Variants in USO1 observed in about 807,000 individuals in gnomAD.
USO1 encodes general vesicular transport factor p115.
Under a neutral mutation model 124.5 loss-of-function variants are expected in USO1, and 57 were observed. The observed-to-expected ratio is 0.46, with a 90% CI of 0.37 to 0.57. USO1 has a LOEUF of 0.57. Among genes scored for constraint, USO1 ranks in the 20% least tolerant of loss-of-function variants. The pLI is 0.00. For synonymous variants in USO1, 369 were observed against 362.8 expected (o/e 1.02, Z -0.19); for missense variants, 900 against 1,040.6 (o/e 0.86, Z 1.86).
At chr4:75,754,936 T>C (rs1010274318) in intron 3 of USO1, among the ~76,000 whole-genome samples, 5 of 152,212 alleles carry the variant, frequency 3.3e-5, no homozygotes, top group African/African-American at 7.2e-5. Flanking sequence ...CTAAGTGGGC[T>C]CAGGGTCTCT....
Position 75,799,606 on chromosome 4 carries a change from A to G in USO1, c.1453-16A>G, listed in dbSNP as rs112001502. On this transcript the variant is annotated splice_polypyrimidine_tract_variant and intron_variant, in intron 13 of 23. Coordinates refer to ENST00000514213, the MANE Select transcript of USO1 (RefSeq NM_003715.4). The stretch of plus-strand genomic sequence containing the variant: ...TAAAATGAATGGAAAGATTTCTACC[A>G]ATTTATCTGTTGCAGGGAAGCAAAA... The G allele has an allele frequency of 2.2e-5, 35 of 1,611,056 alleles. 1 individual carries two copies. In the African/African-American group the frequency reaches 2.7e-4, roughly 12 times the overall value.
intron 1 of USO1, among the ~76,000 whole-genome samples, chr4:75,732,530 TA>T (rs1720661632): frequency 6.6e-6 from 1 of 152,164 alleles, no homozygotes; most frequent in African/African-American, 2.4e-5. Context: ...CTTATTTCAT[TA>T]AAAACATTAT....
At chr4:75,738,656 T>G (rs1720864250) in intron 1 of USO1, among the ~76,000 whole-genome samples, 1 of 151,972 alleles carries the variant, frequency 6.6e-6, no homozygotes, top group African/African-American at 2.4e-5. Flanking sequence ...TTTTAAAAAT[T>G]TTTAATGGAG....
intron 13 of USO1, among the ~76,000 whole-genome samples, chr4:75,798,005 G>A (rs1441622661): frequency 6.6e-6 from 1 of 152,042 alleles, no homozygotes; most frequent in Non-Finnish European, 1.5e-5. Flanking sequence ...CTTTCTATTG[G>A]TTTATGTCCA....
intron 4 of USO1, among the ~76,000 whole-genome samples, chr4:75,760,778 A>G (rs1175427133): frequency 6.6e-6 from 1 of 152,212 alleles, no homozygotes; most frequent in Non-Finnish European, 1.5e-5. Context: ...TTACATTACT[A>G]TTATTTCTGC....
At chr4:75,790,089 A>C in intron 10 of USO1, 61 bp from the exon 11 acceptor site, 1 of 1,455,930 alleles carries the variant, frequency 6.9e-7, no homozygotes, top group Non-Finnish European at 9.1e-7. Flanking sequence ...TCTATTGAAA[A>C]CATATTTTCC....
chr4:75,763,854 C>T (rs1053282999), intron 4 of USO1, among the ~76,000 whole-genome samples: 7 of 151,972 alleles, frequency 4.6e-5, no homozygotes, highest in African/African-American at 1.7e-4. Context: ...TCTCATGGTT[C>T]TAGTTTTTGT....
intron 10 of USO1, 91 bp downstream of exon 10, chr4:75,787,293 TAG>T: frequency 7.4e-7 from 1 of 1,343,226 alleles, no homozygotes; most frequent in Non-Finnish European, 9.6e-7. Flanking sequence ...AAAACTACAA[TAG>T]TTAACCATTT....
intron 1 of USO1, chr4:75,729,904 A>C (rs1236276615): frequency 2.5e-6 from 1 of 395,572 alleles, no homozygotes; most frequent in Non-Finnish European, 4.9e-6. Context: ...AATTGTTATT[A>C]AAGAGTGTGG....
At chr4:75,757,116 A>ATT (rs1721469501) in intron 3 of USO1, among the ~76,000 whole-genome samples, 1 of 151,602 alleles carries the variant, frequency 6.6e-6, no homozygotes. Flanking sequence ...AAATGGAATA[A>ATT]CTGTGCATAA....
intron 4 of USO1, 66 bp from the exon 5 acceptor site, chr4:75,770,373 T>C (rs1474636340): frequency 1.4e-6 from 2 of 1,420,740 alleles, no homozygotes; most frequent in Admixed American, 5.0e-5. Context: ...GCTTAACTCT[T>C]CAATGAAAGG....
At chr4:75,777,894 C>T (rs1440588390) in intron 8 of USO1, among the ~76,000 whole-genome samples, 1 of 152,166 alleles carries the variant, frequency 6.6e-6, no homozygotes, top group Non-Finnish European at 1.5e-5. Flanking sequence ...AATATTAAAA[C>T]ACCTTTGTTC....
intron 4 of USO1, among the ~76,000 whole-genome samples, chr4:75,768,498 C>T (rs1182526342): frequency 6.6e-6 from 1 of 152,214 alleles, no homozygotes; most frequent in Non-Finnish European, 1.5e-5. Context: ...TATCCTGCAA[C>T]TTTCTAAGCT....
At chr4:75,741,373 A>G (rs1439399010) in intron 1 of USO1, among the ~76,000 whole-genome samples, 2 of 152,178 alleles carry the variant, frequency 1.3e-5, no homozygotes, top group Non-Finnish European at 2.9e-5. Flanking sequence ...TGTAAAGTAT[A>G]CTTTATAAAC....
rs751911538 is a variant in USO1 at position 75,770,935 on chromosome 4, T to C, written c.499+11T>C. On this transcript the variant is annotated intron_variant, in intron 6 of 23. Transcript: ENST00000514213. Reference sequence around the variant, plus strand: ...TAGTCAGTCCTATGGGTAAGTGACTTATCTTTTTTATATTATTTTGATTCA... The same window carrying C: ...TAGTCAGTCCTATGGGTAAGTGACTCATCTTTTTTATATTATTTTGATTCA... The C allele has an allele frequency of 5.6e-6, 9 of 1,602,170 alleles. No homozygotes were observed. In the African/African-American group the frequency reaches 1.2e-4, roughly 22 times the overall value.
At chr4:75,793,957 A>T (rs1722604698) in intron 13 of USO1, 56 bp downstream of exon 13, 1 of 1,603,034 alleles carries the variant, frequency 6.2e-7, no homozygotes, top group African/African-American at 1.3e-5. Context: ...GTGATACAGG[A>T]TTTAAGGATG....
At chr4:75,757,602 T>C in intron 4 of USO1, 29 bp downstream of exon 4, 1 of 1,438,896 alleles carries the variant, frequency 6.9e-7, no homozygotes, top group East Asian at 2.7e-5. Context: ...TTACTGTGTT[T>C]TCTGTACTTA....
chr4:75,760,403 A>G lies in USO1; in HGVS notation c.295+2830A>G, dbSNP rs1721571444. On this transcript the variant is annotated intron_variant, in intron 4 of 23. Coordinates refer to ENST00000514213, the MANE Select transcript of USO1 (RefSeq NM_003715.4). ...AAATCTGTCTCGTAGTCCTAAAAAT[A>G]TAGCGTATGCTAAATCTCTTTTAGT... Among the ~76,000 whole-genome samples the G allele has an allele frequency of 2.0e-5, 3 of 152,332 alleles. No homozygotes were observed. In the South Asian group the frequency reaches 6.2e-4, roughly 32 times the overall value.
At chr4:75,776,479 G>A (rs754741020) in intron 8 of USO1, among the ~76,000 whole-genome samples, 4 of 152,184 alleles carry the variant, frequency 2.6e-5, no homozygotes, top group Non-Finnish European at 5.9e-5. Context: ...GATGACCAGA[G>A]AGGTGTACAT....
Sources: gnomAD v4.1 joint callset for allele counts (sites outside exome capture counted in the v4.1 genomes callset) on GRCh38, gnomAD v4.1.1 for gene constraint, MANE v1.5 for transcripts, NCBI Gene and HGNC (gene_info 2026-07-23, HGNC 2026-07-21) for gene names.